Variants in EPC2 observed in about 807,000 individuals in gnomAD.
EPC2 encodes the protein enhancer of polycomb homolog 2.
EPC2 carries 14 observed loss-of-function variants against 92.1 expected under a neutral mutation model. The ratio of observed to expected loss-of-function variants is 0.15; its 90% CI spans 0.10 to 0.24. The LOEUF (loss-of-function observed/expected upper bound fraction) is 0.24, where lower values mean the gene tolerates loss of function less well. Ranked by LOEUF, EPC2 falls within the 10% of genes least tolerant of loss-of-function variation. EPC2 has a pLI of 1.00. For missense variants in EPC2, 755 were observed against 971.5 expected, an observed-to-expected ratio of 0.78 and a Z score of 2.96; for synonymous variants, 340 against 334.7, an observed-to-expected ratio of 1.02 and a Z score of -0.17.
In EPC2 at chr2:148,645,099, C is replaced by T. The variant is rs901413718; in HGVS notation, c.82C>T (p.Leu28Phe). 6.2e-7 allele frequency: 1 copy of T among 1,602,038 alleles called. No individual in the cohort carries two copies. Among genetic ancestry groups the T allele is most frequent in the Non-Finnish European group, 8.5e-7 (1 of 1,173,910 alleles). Reference protein sequence around the residue: ...PIYRGKDMPDLNDCVSINRAV... With the variant: ...PIYRGKDMPDFNDCVSINRAV... ...CTACCGCGGCAAGGACATGCCTGAT[C>T]TCAACGACTGCGTCTCCATCAACCG... The change falls in exon 1 of 14, where the codon CTC becomes TTC. Residue 28 changes from leucine to phenylalanine, a missense_variant. By Grantham distance (22) the Leu-to-Phe change is conservative. Around this residue, in one of 4 missense-constraint regions of EPC2, gnomAD observed 36 missense variants for 84.0 expected, o/e 0.43. Coordinates refer to ENST00000258484, the MANE Select transcript of EPC2 (RefSeq NM_015630.4).
intron 2 of EPC2, among the ~76,000 whole-genome samples, chr2:148,706,256 T>C (rs1001421329): frequency 2.6e-4 from 39 of 152,084 alleles, no homozygotes; most frequent in African/African-American, 3.6e-4. Flanking sequence ...GTATCAGTCA[T>C]TGAAGATCAA....
intron 11 of EPC2, among the ~76,000 whole-genome samples, chr2:148,782,281 A>G (rs922470479): frequency 1.3e-5 from 2 of 152,166 alleles, no homozygotes; most frequent in African/African-American, 4.8e-5. Context: ...TCATGCCTGT[A>G]ATCCCAGCAC....
chr2:148,761,188 T>C (rs927867914), intron 4 of EPC2, among the ~76,000 whole-genome samples: 10 of 152,246 alleles, frequency 6.6e-5, no homozygotes, highest in African/African-American at 2.4e-4. Flanking sequence ...ATCTCTTTTC[T>C]ACTCAGCAGT....
At chr2:148,732,964 TTTC>T (rs1368899310) in intron 2 of EPC2, among the ~76,000 whole-genome samples, 62 of 148,708 alleles carry the variant, frequency 4.2e-4, no homozygotes, top group African/African-American at 1.3e-3. Context: ...TTTTTTTTTT[TTTC>T]CAGTTAATAA....
rs188767354 is a variant in EPC2, at chr2:148,771,418, T to C, written c.1720+31T>C. 8,058 of 1,487,946 alleles carry C rather than the reference T, an allele frequency of 5.4e-3. 29 individuals are homozygous for C. The highest frequency in any genetic ancestry group is 6.7e-3 in the Non-Finnish European group (7,418 of 1,105,140). 92.2% of individuals were successfully genotyped at this position (1,487,946 alleles called of 1,614,324 possible). On this transcript the variant is annotated intron_variant, in intron 10 of 13. Coordinates refer to ENST00000258484, the MANE Select transcript of EPC2 (RefSeq NM_015630.4). ...CTGTTGCTGTGTTAAAAGTATATCCTGCTATTCTTTTTTACTTAATTTTAT... is the reference window on the plus strand; with the variant it reads ...CTGTTGCTGTGTTAAAAGTATATCCCGCTATTCTTTTTTACTTAATTTTAT...
intron 2 of EPC2, chr2:148,692,742 T>G (rs1228599097): frequency 2.6e-5 from 4 of 152,194 alleles, no homozygotes; most frequent in Non-Finnish European, 5.9e-5. Flanking sequence ...AGGAAGACCA[T>G]TTGTAAAAAC....
At chr2:148,779,498 G>C (rs1358957985) in intron 10 of EPC2, among the ~76,000 whole-genome samples, 2 of 152,080 alleles carry the variant, frequency 1.3e-5, no homozygotes, top group African/African-American at 2.4e-5. Flanking sequence ...CGGGAGGATT[G>C]CTTGAACCCA....
intron 2 of EPC2, among the ~76,000 whole-genome samples, chr2:148,738,884 C>T (rs1298696202): frequency 6.6e-6 from 1 of 152,134 alleles, no homozygotes; most frequent in Non-Finnish European, 1.5e-5. Context: ...TATTATTTAA[C>T]CCCTGAATTA....
At chr2:148,676,391 G>A (rs1462198772) in intron 1 of EPC2, among the ~76,000 whole-genome samples, 1 of 151,128 alleles carries the variant, frequency 6.6e-6, no homozygotes, top group African/African-American at 2.4e-5. Context: ...TGTGTATCTT[G>A]GTGAAGAGAT....
intron 1 of EPC2, among the ~76,000 whole-genome samples, chr2:148,666,706 T>G (rs1681061876): frequency 6.6e-6 from 1 of 152,160 alleles, no homozygotes; most frequent in Admixed American, 6.5e-5. Flanking sequence ...ATGCACAGCA[T>G]CATCAAACAT....
chr2:148,773,888 T>C (rs1375578640), intron 10 of EPC2, among the ~76,000 whole-genome samples: 1 of 152,188 alleles, frequency 6.6e-6, no homozygotes, highest in Non-Finnish European at 1.5e-5. Flanking sequence ...TTTTTACTTT[T>C]GATGGATATA....
At chr2:148,761,734 T>C in intron 4 of EPC2, 48 bp from the exon 5 acceptor site, 1 of 1,279,776 alleles carries the variant, frequency 7.8e-7, no homozygotes. Context: ...AAGCCGGAAA[T>C]GTAGATAACT....
intron 2 of EPC2, among the ~76,000 whole-genome samples, chr2:148,726,765 G>GTTTTTTTTTTTTTTTTTTGT (rs201293391): frequency 4.0e-5 from 4 of 100,610 alleles, no homozygotes; most frequent in Admixed American, 1.0e-4. Context: ...TTTGTTTTTT[G>GTTTTTTTTTTTTTTTTTTGT]TTTTTTTTTT....
chr2:148,785,149 T>C (rs1683840186), intron 13 of EPC2, 148 bp downstream of exon 13: 2 of 645,580 alleles, frequency 3.1e-6, no homozygotes, highest in South Asian at 7.9e-5. Flanking sequence ...TAAAGCTCTG[T>C]GACTTAGGTA....
intron 2 of EPC2, among the ~76,000 whole-genome samples, chr2:148,699,818 A>AGTGGCT (rs1681836792): frequency 6.6e-6 from 1 of 152,188 alleles, no homozygotes; most frequent in African/African-American, 2.4e-5. Context: ...TGCATGCCAA[A>AGTGGCT]GTGGCTGTAC....
intron 1 of EPC2, among the ~76,000 whole-genome samples, chr2:148,686,362 T>C (rs185778598): frequency 6.6e-6 from 1 of 152,356 alleles, no homozygotes; most frequent in East Asian, 1.9e-4. Context: ...TCTAGTTTTC[T>C]TGCCATTTCC....
At chr2:148,779,726 A>G (rs1683712920) in intron 10 of EPC2, among the ~76,000 whole-genome samples, 1 of 152,228 alleles carries the variant, frequency 6.6e-6, no homozygotes, top group Admixed American at 6.5e-5. Context: ...AACTGAAAGT[A>G]TATATCCTTA....
At chr2:148,762,113 AT>A in intron 5 of EPC2, 183 bp downstream of exon 5, 2 of 466,548 alleles carry the variant, frequency 4.3e-6, no homozygotes, top group South Asian at 6.4e-5. Flanking sequence ...ATCAATTTGG[AT>A]TGCAGATTTT....
chr2:148,769,694 G>A (rs1433420328), intron 8 of EPC2, among the ~76,000 whole-genome samples: 6 of 152,054 alleles, frequency 3.9e-5, no homozygotes, highest in African/African-American at 1.4e-4. Flanking sequence ...GCAATGTTTT[G>A]TCTAATAATT....
Sources: allele counts gnomAD v4.1 joint callset (sites outside exome capture counted in the v4.1 genomes callset), GRCh38; gene constraint gnomAD v4.1.1; regional missense constraint gnomAD v4.1.1; transcripts MANE v1.5; gene names NCBI Gene and HGNC (gene_info 2026-07-23, HGNC 2026-07-21).